The following POMP variants were observed in gnomAD, a reference collection of about 807,000 sequenced individuals.
POMP encodes 2510048O06Rik.
Under a neutral mutation model 20.6 loss-of-function variants are expected in POMP, and 12 were observed. The ratio of observed to expected loss-of-function variants is 0.58; its 90% CI spans 0.37 to 0.94. POMP has a LOEUF of 0.94. Ranked by LOEUF, POMP falls within the 40% of genes least tolerant of loss-of-function variation. The probability of loss-of-function intolerance (pLI) is 0.01; values close to 1 mark genes in which losing one functional copy is unlikely to be tolerated. For synonymous variants in POMP, 53 were observed against 55.0 expected (o/e 0.96, Z 0.16); for missense variants, 136 against 161.1 (o/e 0.84, Z 0.84).
intron 1 of POMP, among the ~76,000 whole-genome samples, chr13:28,661,634 G>T (rs946953538): frequency 6.6e-6 from 1 of 152,200 alleles, no homozygotes; most frequent in Non-Finnish European, 1.5e-5. Flanking sequence ...AGTATCTGGT[G>T]ATTGCGCATT....
At chr13:28,677,982 AT>A (rs1884657173) in intron 5 of POMP, 52 bp from the exon 6 acceptor site, 2 of 1,528,220 alleles carry the variant, frequency 1.3e-6, no homozygotes, top group Admixed American at 3.3e-5. Context: ...GAATCATTGA[AT>A]GTATCTCTTT....
rs145717953 is a variant in POMP, at chr13:28,663,500, G to A, written c.101+993G>A. ...TAATTTTGTATTTTTAGTAGAGACG[G>A]GGTTTCTCTGTGTTGGTCAGGCTGG... On this transcript the variant is annotated intron_variant, in intron 2 of 5. Coordinates refer to ENST00000380842, the MANE Select transcript of POMP (RefSeq NM_015932.6). Among the ~76,000 whole-genome samples the A allele has an allele frequency of 6.2e-3, 944 of 152,184 alleles. 10 individuals are homozygous for A. Among genetic ancestry groups the A allele is most frequent in the African/African-American group, 0.022 (910 of 41,516 alleles).
chr13:28,663,088 A>AT (rs903656359), intron 2 of POMP, among the ~76,000 whole-genome samples: 6 of 151,524 alleles, frequency 4.0e-5, no homozygotes, highest in Non-Finnish European at 7.4e-5. Flanking sequence ...ATTGGCTACC[A>AT]TTTTTTTTCT....
chr13:28,678,359 A>G lies in POMP; in HGVS notation c.*257A>G, dbSNP rs1884666288. On this transcript the variant is annotated 3_prime_UTR_variant, in exon 6 of 6. Coordinates refer to ENST00000380842, the MANE Select transcript of POMP (RefSeq NM_015932.6). ...TCTTTAAAAAAGTTGTTGCTCATGAATATTATAAAATGATCTACAGGTTTC... is the reference window on the plus strand; with the variant it reads ...TCTTTAAAAAAGTTGTTGCTCATGAGTATTATAAAATGATCTACAGGTTTC... 9.3e-6 allele frequency: 4 copies of G among 431,932 alleles called. No homozygotes were observed. Among genetic ancestry groups the G allele is most frequent in the African/African-American group, 2.0e-5 (1 of 49,952 alleles). The allele number at this position is 431,932 out of a possible 1,614,324, so 26.8% of individuals were successfully genotyped here.
At chr13:28,663,132 T>C (rs1287201087) in intron 2 of POMP, among the ~76,000 whole-genome samples, 1 of 152,172 alleles carries the variant, frequency 6.6e-6, no homozygotes, top group Non-Finnish European at 1.5e-5. Flanking sequence ...CGCCATGTTT[T>C]TGATTTCCTT....
At chr13:28,667,283 G>A (rs998702604) in intron 3 of POMP, among the ~76,000 whole-genome samples, 1 of 152,106 alleles carries the variant, frequency 6.6e-6, no homozygotes, top group Non-Finnish European at 1.5e-5. Context: ...TCCCAGCGGC[G>A]TGGGAGGCTG....
At chr13:28,673,163 T>C (rs1771185) in intron 5 of POMP, among the ~76,000 whole-genome samples, 6,706 of 150,858 alleles carry the variant, frequency 0.044, 501 homozygotes, top group African/African-American at 0.15. Context: ...TTCCGCCTCC[T>C]GAGTTCAAGC....
Position 28,664,566 on chromosome 13 carries a change from A to G in POMP, c.159A>G (p.Lys53=). ...GTCATCCCCTTGAATTATCAGAAAA[A>G]AATGTAAGTATATTATTATGTCCTT... is the stretch of plus-strand genomic sequence containing the variant. The part of the protein sequence containing the change: ...LPSHPLELSE[K]NFQLNQDKMN... The change falls in exon 3 of 6, where the codon AAA becomes AAG. Residue 53 remains lysine, a synonymous_variant. Transcript: ENST00000380842. The G allele has an allele frequency of 6.6e-7, 1 of 1,506,134 alleles. No homozygotes were observed. Among genetic ancestry groups the G allele is most frequent in the Non-Finnish European group, 9.2e-7 (1 of 1,084,514 alleles). The allele number at this position is 1,506,134 out of a possible 1,614,324, so 93.3% of individuals were successfully genotyped here.
intron 2 of POMP, among the ~76,000 whole-genome samples, chr13:28,663,850 C>A (rs1331894135): frequency 1.3e-5 from 2 of 152,122 alleles, no homozygotes; most frequent in Non-Finnish European, 2.9e-5. Context: ...GGGGCAGGAC[C>A]ATTTTCAAAA....
At chr13:28,676,386 C>T (rs917628536) in intron 5 of POMP, among the ~76,000 whole-genome samples, 9 of 152,202 alleles carry the variant, frequency 5.9e-5, no homozygotes, top group Non-Finnish European at 1.3e-4. Flanking sequence ...AATCCCCGCT[C>T]TGTCACCCTG....
intron 5 of POMP, among the ~76,000 whole-genome samples, chr13:28,673,687 C>A (rs138545359): frequency 2.0e-5 from 3 of 152,154 alleles, no homozygotes; most frequent in Non-Finnish European, 4.4e-5. Context: ...GATTCTTAAG[C>A]TTTTACATTG....
chr13:28,678,124 C>A lies in POMP; in HGVS notation c.*22C>A. The A allele has an allele frequency of 6.2e-7, 1 of 1,601,450 alleles. No homozygotes were observed. Among genetic ancestry groups the A allele is most frequent in the Non-Finnish European group, 8.6e-7 (1 of 1,168,734 alleles). On this transcript the variant is annotated 3_prime_UTR_variant, in exon 6 of 6. Transcript: ENST00000380842. The stretch of plus-strand genomic sequence containing the variant: ...GTAATAGTGTGCTGTTCATGGAAAC[C>A]GAGGGCTGCATCTTGTTTATAGTCA...
intron 5 of POMP, among the ~76,000 whole-genome samples, chr13:28,676,259 C>T (rs1593176394): frequency 6.6e-6 from 1 of 152,290 alleles, no homozygotes; most frequent in Admixed American, 6.5e-5. Flanking sequence ...CCACCTCGGC[C>T]TTCCAAAGTG....
chr13:28,662,080 T>C (rs950691499), intron 1 of POMP, among the ~76,000 whole-genome samples: 1 of 152,246 alleles, frequency 6.6e-6, no homozygotes, highest in Non-Finnish European at 1.5e-5. Flanking sequence ...TGGAAACATA[T>C]TTAGCCAGTT....
rs765101735 is a variant in POMP, at chr13:28,662,448, T to A, written c.42T>A (p.Ile14=). The A allele has an allele frequency of 6.2e-7, 1 of 1,614,018 alleles. No individual in the cohort carries two copies. The highest frequency in any genetic ancestry group is 1.7e-5 in the Admixed American group (1 of 60,024). Residue 14 remains isoleucine, a synonymous_variant, in exon 2 of 6, where the codon ATT becomes ATA. Coordinates refer to ENST00000380842, the MANE Select transcript of POMP (RefSeq NM_015932.6). ...RGLGSELKDS[I]PVTELSASGP... ...TTGGATCTGAGCTAAAGGACAGTATTCCAGTTACTGAACTTTCAGCAAGTG... is the reference window on the plus strand; with the variant it reads ...TTGGATCTGAGCTAAAGGACAGTATACCAGTTACTGAACTTTCAGCAAGTG...
chr13:28,666,099 G>T (rs1213298415), intron 3 of POMP, among the ~76,000 whole-genome samples: 1 of 152,144 alleles, frequency 6.6e-6, no homozygotes, highest in Admixed American at 6.5e-5. Context: ...ACTATATCAT[G>T]GTGATAAAAT....
chr13:28,662,943 C>A (rs1356490767), intron 2 of POMP, among the ~76,000 whole-genome samples: 3 of 152,232 alleles, frequency 2.0e-5, no homozygotes, highest in Non-Finnish European at 4.4e-5. Flanking sequence ...TTGGACAAAT[C>A]ACATAATTAA....
intron 5 of POMP, among the ~76,000 whole-genome samples, chr13:28,674,342 C>T (rs191139222): frequency 2.5e-4 from 38 of 152,240 alleles, no homozygotes; most frequent in African/African-American, 7.5e-4. Context: ...GAGTGTGTTA[C>T]GTTAGAGGAG....
In POMP at chr13:28,676,304, G is replaced by A. The variant is rs112398105; in HGVS notation, c.359-1731G>A. On this transcript the variant is annotated intron_variant, in intron 5 of 5. Transcript: ENST00000380842. ...CAAGCGTGGGCCACCGCGCCTGGCC[G>A]GGAATCACATTTCCAACATGAGATT... Among the ~76,000 whole-genome samples, 852 of 152,170 alleles carry A rather than the reference G, an allele frequency of 5.6e-3. 9 individuals are homozygous for A. Among genetic ancestry groups the A allele is most frequent in the African/African-American group, 0.02 (816 of 41,512 alleles).
Sources: allele counts gnomAD v4.1 joint callset (sites outside exome capture counted in the v4.1 genomes callset), GRCh38; gene constraint gnomAD v4.1.1; transcripts MANE v1.5; gene names NCBI Gene and HGNC (gene_info 2026-07-23, HGNC 2026-07-21).